The following RELCH variants were observed in gnomAD, a reference collection of about 807,000 sequenced individuals.
RELCH encodes RAB11 binding and LisH domain, coiled-coil and HEAT repeat containing.
A neutral mutation model predicts 150.3 loss-of-function variants in RELCH; 41 were observed. That is an observed-to-expected ratio of 0.27 (90% CI 0.21 to 0.35). The LOEUF (loss-of-function observed/expected upper bound fraction) is 0.35. RELCH is among the 10% of genes least tolerant of loss of function. The pLI is 1.00. For synonymous variants in RELCH, 478 were observed against 531.8 expected (o/e 0.90, Z 1.39); for missense variants, 1,092 against 1,467.8 (o/e 0.74, Z 4.18).
chr18:62,293,093 A>T (rs2045234959), intron 27 of RELCH, among the ~76,000 whole-genome samples: 1 of 151,996 alleles, frequency 6.6e-6, no homozygotes, highest in South Asian at 2.1e-4. Flanking sequence ...ATTCATCTCC[A>T]CCATATAACA....
Position 62,266,774 on chromosome 18 carries a change from A to G in RELCH, c.2680+25A>G, listed in dbSNP as rs773151878. The G allele has an allele frequency of 4.2e-5, 59 of 1,396,004 alleles. 1 individual carries two copies. In the South Asian group the frequency reaches 6.5e-4, roughly 15 times the overall value. 86.5% of individuals were successfully genotyped at this position (1,396,004 alleles called of 1,614,324 possible). On this transcript the variant is annotated intron_variant, in intron 19 of 28. Transcript: ENST00000644646. ...GGTGAGTTTGTTCATTATTACTTTTAAAAACAATTGCATTTCTTTATGCAG... is the reference window on the plus strand; with the variant it reads ...GGTGAGTTTGTTCATTATTACTTTTGAAAACAATTGCATTTCTTTATGCAG...
At chr18:62,202,093 C>T (rs1279014443) in intron 1 of RELCH, among the ~76,000 whole-genome samples, 1 of 152,046 alleles carries the variant, frequency 6.6e-6, no homozygotes, top group Non-Finnish European at 1.5e-5. Flanking sequence ...GATGAAAGTA[C>T]CTGATTATTT....
rs183808668 is a variant in RELCH at position 62,205,996 on chromosome 18, C to G, written c.527-5157C>G. Among the ~76,000 whole-genome samples, 342 of 152,308 alleles carry G rather than the reference C, an allele frequency of 2.2e-3. 4 individuals are homozygous for G. Among genetic ancestry groups the G allele is most frequent in the African/African-American group, 7.9e-3 (328 of 41,580 alleles). On this transcript the variant is annotated intron_variant, in intron 1 of 28. Coordinates refer to ENST00000644646, the MANE Select transcript of RELCH (RefSeq NM_001346231.2). ...CCATGATTTTATCACTGCACTCCAGCCTGGGCAACAGGGCAAGACCCTGTC... is the reference window on the plus strand; with the variant it reads ...CCATGATTTTATCACTGCACTCCAGGCTGGGCAACAGGGCAAGACCCTGTC...
At chr18:62,251,425 C>T (rs1170233841) in intron 11 of RELCH, among the ~76,000 whole-genome samples, 2 of 152,222 alleles carry the variant, frequency 1.3e-5, no homozygotes, top group Non-Finnish European at 2.9e-5. Context: ...CCTTTAATTC[C>T]TTCCCATGTG....
At chr18:62,215,036 G>A (rs2040401454) in intron 2 of RELCH, among the ~76,000 whole-genome samples, 1 of 152,046 alleles carries the variant, frequency 6.6e-6, no homozygotes, top group Non-Finnish European at 1.5e-5. Context: ...CACACCCTTG[G>A]TTTGTTCTCT....
Position 62,244,839 on chromosome 18 carries a change from C to A in RELCH, c.1696C>A (p.Leu566Ile). ...AGAGCGAGATCAGCTTCTCCACATA[C>A]TTTTCAATTTGATCAAGAGGCCAGA... ...PKERDQLLHI[L>I]FNLIKRPDDE... The change falls in exon 11 of 29, where the codon CTT becomes ATT. Residue 566 changes from leucine (L) to isoleucine (I), a missense_variant. Coordinates refer to ENST00000644646, the MANE Select transcript of RELCH (RefSeq NM_001346231.2). The A allele has an allele frequency of 6.2e-7, 1 of 1,613,312 alleles. No homozygotes were observed. The highest frequency in any genetic ancestry group is 8.5e-7 in the Non-Finnish European group (1 of 1,179,406).
At chr18:62,282,259 C>T in intron 24 of RELCH, 47 bp from the exon 25 acceptor site, 1 of 1,538,350 alleles carries the variant, frequency 6.5e-7, no homozygotes, top group Non-Finnish European at 9.0e-7. Flanking sequence ...CAACACTACT[C>T]AGTTTTCAAT....
intron 11 of RELCH, among the ~76,000 whole-genome samples, chr18:62,249,046 CTATGT>C (rs1195193536): frequency 3.3e-5 from 5 of 152,084 alleles, no homozygotes; most frequent in Admixed American, 1.3e-4. Flanking sequence ...GAATGTTTTC[CTATGT>C]TATAATTTTT....
At chr18:62,257,288 C>T (rs1338952137) in intron 13 of RELCH, among the ~76,000 whole-genome samples, 24 of 152,048 alleles carry the variant, frequency 1.6e-4, no homozygotes, top group Admixed American at 1.6e-3. Context: ...GAAATCAAGG[C>T]ACAGCAGTGG....
Position 62,230,705 on chromosome 18 carries a change from T to C in RELCH, c.1449-489T>C, listed in dbSNP as rs181689870. ...AATGAGCTGTGCCTCCGTTTATCTT[T>C]AGACTTATTGTTTGTGGTTTTCTAA... On this transcript the variant is annotated intron_variant, in intron 8 of 28. Coordinates refer to ENST00000644646, the MANE Select transcript of RELCH (RefSeq NM_001346231.2). Among the ~76,000 whole-genome samples, 9 of 152,252 alleles carry C rather than the reference T, an allele frequency of 5.9e-5. No homozygotes were observed. The East Asian group carries it at 1.7e-3, about 29-fold the overall frequency.
At chr18:62,250,789 C>T (rs1568379819) in intron 11 of RELCH, among the ~76,000 whole-genome samples, 3 of 152,128 alleles carry the variant, frequency 2.0e-5, no homozygotes, top group African/African-American at 7.2e-5. Flanking sequence ...AGTCATTTTG[C>T]AGTTAATTTA....
intron 26 of RELCH, among the ~76,000 whole-genome samples, chr18:62,290,508 G>A (rs991774913): frequency 7.9e-5 from 12 of 152,296 alleles, no homozygotes; most frequent in Middle Eastern, 3.4e-3. Flanking sequence ...TCCAGCCTGC[G>A]TGAGAAGAGC....
chr18:62,234,533 T>G (rs889770357), intron 10 of RELCH, among the ~76,000 whole-genome samples: 1 of 152,116 alleles, frequency 6.6e-6, no homozygotes, highest in African/African-American at 2.4e-5. Context: ...TTATTGGTAT[T>G]TAAATAAAAT....
At chr18:62,192,223 C>T (rs943644761) in intron 1 of RELCH, among the ~76,000 whole-genome samples, 2 of 152,140 alleles carry the variant, frequency 1.3e-5, no homozygotes, top group Non-Finnish European at 2.9e-5. Context: ...GTGTCCTTTG[C>T]CCACTTTTTA....
intron 2 of RELCH, among the ~76,000 whole-genome samples, chr18:62,216,218 T>A (rs1044236231): frequency 6.6e-6 from 1 of 152,144 alleles, no homozygotes; most frequent in South Asian, 2.1e-4. Flanking sequence ...AGGTACTATG[T>A]GTTAGGTTTC....
chr18:62,280,199 G>A, intron 23 of RELCH: 1 of 624,568 alleles, frequency 1.6e-6, no homozygotes, highest in Non-Finnish European at 2.8e-6. Flanking sequence ...TTACCAGTAA[G>A]TGTAGTAGCA....
chr18:62,263,700 CTT>C (rs1404254114), intron 16 of RELCH, among the ~76,000 whole-genome samples: 1 of 151,904 alleles, frequency 6.6e-6, no homozygotes, highest in Non-Finnish European at 1.5e-5. Context: ...GTTTTAGACA[CTT>C]AGGACACAAT....
chr18:62,247,933 A>G (rs754628750), intron 11 of RELCH, among the ~76,000 whole-genome samples: 34 of 152,168 alleles, frequency 2.2e-4, no homozygotes, highest in Non-Finnish European at 3.5e-4. Flanking sequence ...TGTGGTTTCA[A>G]TAATTTCCAG....
chr18:62,257,704 A>G (rs777077350), intron 13 of RELCH, among the ~76,000 whole-genome samples: 2 of 152,006 alleles, frequency 1.3e-5, no homozygotes, highest in Non-Finnish European at 2.9e-5. Context: ...AGTAGATATT[A>G]CTGCCTCTAG....
Sources: gnomAD v4.1 joint callset for allele counts (sites outside exome capture counted in the v4.1 genomes callset) on GRCh38, gnomAD v4.1.1 for gene constraint, MANE v1.5 for transcripts, NCBI Gene and HGNC (gene_info 2026-07-23, HGNC 2026-07-21) for gene names.